Variants in RANGAP1 observed in about 807,000 individuals in gnomAD.
RANGAP1 encodes Ran GTPase activating protein 1.
Under a neutral mutation model 63.5 loss-of-function variants are expected in RANGAP1, and 38 were observed. The observed-to-expected ratio is 0.60, with a 90% CI of 0.46 to 0.78. The LOEUF is 0.78. Ranked by LOEUF, RANGAP1 falls within the 30% of genes least tolerant of loss-of-function variation. The probability of loss-of-function intolerance (pLI) is 0.00; values close to 1 mark genes in which losing one functional copy is unlikely to be tolerated. For synonymous variants in RANGAP1, 329 were observed against 310.5 expected, an observed-to-expected ratio of 1.06 and a Z score of -0.63; for missense variants, 630 against 740.3, an observed-to-expected ratio of 0.85 and a Z score of 1.73.
intron 3 of RANGAP1, among the ~76,000 whole-genome samples, chr22:41,270,018 G>A: frequency 6.6e-6 from 1 of 151,276 alleles, no homozygotes; most frequent in East Asian, 1.9e-4. Flanking sequence ...TATTTTTAGT[G>A]GAGATGGGGT....
intron 2 of RANGAP1, among the ~76,000 whole-genome samples, chr22:41,277,874 C>A (rs765293166): frequency 6.6e-6 from 1 of 152,186 alleles, no homozygotes; most frequent in Non-Finnish European, 1.5e-5. Context: ...TTTGCCTTCA[C>A]TTAGTTACCT....
the RANGAP1 span, among the ~76,000 whole-genome samples, chr22:41,294,398 G>A: frequency 3.3e-5 from 5 of 152,000 alleles, no homozygotes; most frequent in African/African-American, 9.7e-5. Context: ...ATCTCGGCTC[G>A]CTACAACCTC....
chr22:41,248,069 G>A (rs1406841333), intron 15 of RANGAP1, among the ~76,000 whole-genome samples: 2 of 152,216 alleles, frequency 1.3e-5, no homozygotes, highest in East Asian at 3.9e-4. Context: ...AAGGGCTCAG[G>A]CGCAGACGGG....
At chr22:41,261,031 C>A (rs565774567) in intron 6 of RANGAP1, among the ~76,000 whole-genome samples, 8 of 152,226 alleles carry the variant, frequency 5.3e-5, no homozygotes, top group East Asian at 1.9e-4. Context: ...CTGAGCCCTG[C>A]GGCTGCCCCT....
chr22:41,267,485 AC>A (rs982489462), intron 4 of RANGAP1, among the ~76,000 whole-genome samples: 1 of 152,076 alleles, frequency 6.6e-6, no homozygotes, highest in Non-Finnish European at 1.5e-5. Context: ...GAGGCTGCCG[AC>A]CACCAGCCCT....
chr22:41,257,992 T>C lies in RANGAP1; in HGVS notation c.730A>G (p.Asn244Asp). 6.2e-7 allele frequency: 1 copy of C among 1,613,296 alleles called. No individual in the cohort carries two copies. Among genetic ancestry groups the C allele is most frequent in the Non-Finnish European group, 8.5e-7 (1 of 1,179,528 alleles). The change falls in exon 7 of 16, where the codon AAT (asparagine) becomes GAT (aspartate). Residue 244 changes from asparagine to aspartate, a missense_variant. Physicochemically the swap from Asn to Asp is conservative, Grantham distance 23. Around this residue, in one of 3 missense-constraint regions of RANGAP1, gnomAD observed 428 missense variants for 465.5 expected, o/e 0.92. Transcript: ENST00000356244. This position sits in a 1 kb window ranked among gnomAD's most constrained non-coding sequence, Gnocchi z 4.0. ...VNPLLRVINL[N>D]DNTFTEKGAV... ...CCCTTCTCAGTGAAGGTGTTGTCATTCAGGTTGATGACCCGCAGCAGGGGG... is the reference window on the plus strand; with the variant it reads ...CCCTTCTCAGTGAAGGTGTTGTCATCCAGGTTGATGACCCGCAGCAGGGGG...
the RANGAP1 span, among the ~76,000 whole-genome samples, chr22:41,292,580 G>A: frequency 6.6e-6 from 1 of 151,338 alleles, no homozygotes; most frequent in Non-Finnish European, 1.5e-5. Flanking sequence ...CCAACATGGT[G>A]AAACCCCGTC....
At chr22:41,279,207 A>C (rs2035339018) in intron 2 of RANGAP1, among the ~76,000 whole-genome samples, 1 of 152,098 alleles carries the variant, frequency 6.6e-6, no homozygotes, top group African/African-American at 2.4e-5. Flanking sequence ...ACAGTGGCTC[A>C]CGCCTGTTAT....
intron 5 of RANGAP1, among the ~76,000 whole-genome samples, chr22:41,263,649 T>C (rs990526691): frequency 3.9e-5 from 6 of 152,224 alleles, no homozygotes; most frequent in African/African-American, 1.4e-4. Flanking sequence ...CCTCCCAAAG[T>C]GCTGGGATTA....
intron 2 of RANGAP1, among the ~76,000 whole-genome samples, chr22:41,280,411 A>T (rs889745732): frequency 6.6e-6 from 1 of 152,202 alleles, no homozygotes; most frequent in African/African-American, 2.4e-5. Flanking sequence ...TCTGGTTCCT[A>T]GTTTTCTGTG....
At chr22:41,266,105 G>T (rs2034457396) in intron 4 of RANGAP1, among the ~76,000 whole-genome samples, 1 of 152,002 alleles carries the variant, frequency 6.6e-6, no homozygotes, top group African/African-American at 2.4e-5. Context: ...GGGAGGCTGA[G>T]GCAGGAGAAT....
Position 41,279,907 on chromosome 22 carries a change from G to C in RANGAP1, c.112+1026C>G, listed in dbSNP as rs759677537. 1.0e-3 allele frequency among the ~76,000 whole-genome samples: 156 copies of C among 151,630 alleles called. 3 individuals are homozygous for C. Among genetic ancestry groups the C allele is most frequent in the Non-Finnish European group, 3.4e-4 (23 of 67,960 alleles). On this transcript the variant is annotated intron_variant, in intron 2 of 15. Coordinates refer to ENST00000356244, the MANE Select transcript of RANGAP1 (RefSeq NM_002883.4). ...GAGATGAGGAGTTCGAGAGCATCCT[G>C]ACCAATATGGCAAAACCCTATCTCT... is the stretch of plus-strand genomic sequence containing the variant.
intron 15 of RANGAP1, among the ~76,000 whole-genome samples, chr22:41,247,201 G>A (rs972202212): frequency 3.3e-5 from 5 of 151,828 alleles, no homozygotes; most frequent in Admixed American, 6.6e-5. Flanking sequence ...GACTACAGAC[G>A]CCCACCACCA....
intron 4 of RANGAP1, among the ~76,000 whole-genome samples, chr22:41,265,943 C>G (rs1414161395): frequency 6.6e-6 from 1 of 151,890 alleles, no homozygotes; most frequent in African/African-American, 2.4e-5. Flanking sequence ...TGGCTCACGC[C>G]TGTAATCCCA....
intron 5 of RANGAP1, 68 bp from the exon 6 acceptor site, chr22:41,261,648 T>C (rs2145743044): frequency 6.3e-7 from 1 of 1,597,906 alleles, no homozygotes; most frequent in South Asian, 1.1e-5. Context: ...TGGCCACTGC[T>C]GCTGAACTGC....
At chr22:41,252,470 G>C (rs2033525652) in intron 12 of RANGAP1, among the ~76,000 whole-genome samples, 1 of 152,156 alleles carries the variant, frequency 6.6e-6, no homozygotes, top group Non-Finnish European at 1.5e-5. Context: ...CAACAAGTGA[G>C]GCTGGAGTGA....
rs2034167837 is a variant in RANGAP1, at chr22:41,261,528, T to C, written c.533A>G (p.Lys178Arg). ...CACAAAGACCTTCAGGGCCAGAGGCTTGCCTTGGGCACTGGATTTCCGGTG... is the reference window on the plus strand; with the variant it reads ...CACAAAGACCTTCAGGGCCAGAGGCCTGCCTTGGGCACTGGATTTCCGGTG... ...ECHRKSSAQG[K>R]PLALKVFVAG... is the part of the protein sequence containing the mutation. The change falls in exon 6 of 16, where the codon AAG becomes AGG. Residue 178 changes from lysine to arginine, a missense_variant. Coordinates refer to ENST00000356244, the MANE Select transcript of RANGAP1 (RefSeq NM_002883.4). The C allele has an allele frequency of 2.5e-6, 4 of 1,614,140 alleles. No individual in the cohort carries two copies. In the South Asian group the frequency reaches 4.4e-5, roughly 18 times the overall value.
intron 2 of RANGAP1, among the ~76,000 whole-genome samples, chr22:41,278,872 C>T (rs2035313321): frequency 6.6e-6 from 1 of 152,158 alleles, no homozygotes; most frequent in African/African-American, 2.4e-5. Flanking sequence ...GGCACGGTGG[C>T]TCACGCCTGT....
chr22:41,261,404 C>T (rs748570749), intron 6 of RANGAP1, 42 bp downstream of exon 6: 3 of 1,612,482 alleles, frequency 1.9e-6, no homozygotes, highest in East Asian at 4.5e-5. Flanking sequence ...ATGCCGAGTG[C>T]ACCTCAAGGC....
Sources: allele counts gnomAD v4.1 joint callset (sites outside exome capture counted in the v4.1 genomes callset), GRCh38; gene constraint gnomAD v4.1.1; regional missense constraint gnomAD v4.1.1; non-coding constraint Gnocchi (gnomAD v3.1); transcripts MANE v1.5; gene names NCBI Gene and HGNC (gene_info 2026-07-23, HGNC 2026-07-21).